Variants in LEPR observed in about 807,000 individuals in gnomAD.
LEPR encodes the protein OB receptor.
LEPR carries 56 observed loss-of-function variants against 114.7 expected under a neutral mutation model. The observed-to-expected ratio is 0.49, with a 90% CI of 0.39 to 0.61. LEPR has a LOEUF of 0.61. Among genes scored for constraint, LEPR ranks in the 20% least tolerant of loss-of-function variants. The probability of loss-of-function intolerance (pLI) is 0.00; values close to 1 mark genes in which losing one functional copy is unlikely to be tolerated. For missense variants in LEPR, 1,202 were observed against 1,352.9 expected, an observed-to-expected ratio of 0.89 and a Z score of 1.75; for synonymous variants, 443 against 461.4, an observed-to-expected ratio of 0.96 and a Z score of 0.51.
chr1:65,510,276 A>G (rs1358620439), intron 2 of LEPR, among the ~76,000 whole-genome samples: 2 of 152,132 alleles, frequency 1.3e-5, no homozygotes, highest in Non-Finnish European at 2.9e-5. Flanking sequence ...CTAAGCTATT[A>G]TTTTGGGTGG....
At chr1:65,450,500 C>G (rs1646769706) in intron 2 of LEPR, among the ~76,000 whole-genome samples, 1 of 142,636 alleles carries the variant, frequency 7.0e-6, no homozygotes, top group African/African-American at 2.7e-5. Flanking sequence ...TTGTTCAATT[C>G]CCACCTATGA....
chr1:65,608,912 C>T lies in LEPR; in HGVS notation c.1752+11C>T. 1.2e-6 allele frequency: 2 copies of T among 1,613,366 alleles called. No homozygotes were observed. The highest frequency in any genetic ancestry group is 1.7e-6 in the Non-Finnish European group (2 of 1,179,676). On this transcript the variant is annotated intron_variant, in intron 12 of 19. Transcript: ENST00000349533. ...GAAGTACAATGGAAGGTACCTTTTA[C>T]TTAGAACTTCAGCTTTCCTCATTAA...
At position 65,633,367 on chromosome 1, in the gene LEPR, ATT is replaced by A; in HGVS notation, c.2674-2822_2674-2821del. The stretch of plus-strand genomic sequence containing the variant: ...GTGTAAATTTGGGTTCAAAATGTAG[ATT>A]TGAGTCCAGTTTGGATGTGTGATTA... On this transcript the variant is annotated intron_variant, in intron 19 of 19. Coordinates refer to ENST00000349533, the MANE Select transcript of LEPR (RefSeq NM_002303.6). The surrounding 1 kb of genome is among the most constrained non-coding windows in gnomAD (Gnocchi z 4.1). 7.5e-7 allele frequency: 1 copy of A among 1,333,514 alleles called. No homozygotes were observed. The highest frequency in any genetic ancestry group is 9.6e-7 in the Non-Finnish European group (1 of 1,043,144). The allele number at this position is 1,333,514 out of a possible 1,614,324, so 82.6% of individuals were successfully genotyped here.
intron 19 of LEPR, chr1:65,634,938 G>C (rs1658663380): frequency 1.2e-6 from 1 of 812,910 alleles, no homozygotes; most frequent in Non-Finnish European, 1.5e-6. Context: ...TGAATAATAG[G>C]AAAGTTGTAT....
intron 8 of LEPR, among the ~76,000 whole-genome samples, chr1:65,600,200 TAA>T (rs1173678070): frequency 6.6e-6 from 1 of 152,088 alleles, no homozygotes; most frequent in East Asian, 1.9e-4. Flanking sequence ...GAAGGTAGGT[TAA>T]GATAGGTTAA....
At chr1:65,438,263 A>G (rs1196842144) in intron 2 of LEPR, among the ~76,000 whole-genome samples, 3 of 151,968 alleles carry the variant, frequency 2.0e-5, no homozygotes, top group Non-Finnish European at 4.4e-5. Flanking sequence ...ACGATAAAGA[A>G]GAGACCAGCC....
intron 2 of LEPR, among the ~76,000 whole-genome samples, chr1:65,553,766 C>G (rs1652603108): frequency 6.6e-6 from 1 of 152,122 alleles, no homozygotes; most frequent in South Asian, 2.1e-4. Context: ...AGTTGTGATC[C>G]TTTAAATGAG....
chr1:65,539,832 T>C lies in LEPR; in HGVS notation c.-20-25714T>C, dbSNP rs117750642. Among the ~76,000 whole-genome samples, 55 of 152,250 alleles carry C rather than the reference T, an allele frequency of 3.6e-4. 1 individual carries two copies. The East Asian group carries it at 0.01, about 28-fold the overall frequency. On this transcript the variant is annotated intron_variant, in intron 2 of 19. Transcript: ENST00000349533. ...CCCCGGAGCTCAGAGGTAGTAGGCA[T>C]TGAGGTTTCAGTCATAACATGCAGT...
At chr1:65,503,597 T>C (rs561935395) in intron 2 of LEPR, among the ~76,000 whole-genome samples, 2 of 152,204 alleles carry the variant, frequency 1.3e-5, no homozygotes, top group South Asian at 4.1e-4. Context: ...AAATGGAATG[T>C]GGATAGCAGG....
At chr1:65,578,235 CT>C in intron 5 of LEPR, 1 of 184,598 alleles carries the variant, frequency 5.4e-6, no homozygotes, top group Middle Eastern at 1.3e-3. Context: ...GGTTCCAAGT[CT>C]TTGCTATTAT....
At chr1:65,530,865 G>C (rs1459364182) in intron 2 of LEPR, among the ~76,000 whole-genome samples, 1 of 152,094 alleles carries the variant, frequency 6.6e-6, no homozygotes, top group East Asian at 1.9e-4. Context: ...AGACGCCTCT[G>C]ACAGCTCCCA....
At chr1:65,631,668 C>A (rs1658528531) in intron 19 of LEPR, among the ~76,000 whole-genome samples, 1 of 152,058 alleles carries the variant, frequency 6.6e-6, no homozygotes, top group African/African-American at 2.4e-5. Flanking sequence ...TCTGTTTATA[C>A]CTTAAAAATC....
chr1:65,622,760 A>G lies in LEPR; in HGVS notation c.2598-146A>G, dbSNP rs190357334. On this transcript the variant is annotated intron_variant, in intron 18 of 19. Coordinates refer to ENST00000349533, the MANE Select transcript of LEPR (RefSeq NM_002303.6). ...AGATAAAAGTTTGGTAGAAATCTTC[A>G]TGGGCTAGCATGTGAAAATGCATCT... The G allele has an allele frequency of 7.9e-6, 6 of 755,402 alleles. No individual in the cohort carries two copies. The African/African-American group carries it at 1.1e-4, about 13-fold the overall frequency. 46.8% of individuals were successfully genotyped at this position (755,402 alleles called of 1,614,324 possible).
chr1:65,425,910 A>G (rs1219963314), intron 2 of LEPR, among the ~76,000 whole-genome samples: 1 of 152,126 alleles, frequency 6.6e-6, no homozygotes, highest in Non-Finnish European at 1.5e-5. Context: ...TCATTCAACC[A>G]TTGTTGGTTG....
chr1:65,440,950 T>G (rs913052618), intron 2 of LEPR, among the ~76,000 whole-genome samples: 1 of 152,184 alleles, frequency 6.6e-6, no homozygotes, highest in African/African-American at 2.4e-5. Context: ...AAAACATAAA[T>G]AAATGCATTT....
At chr1:65,597,134 G>C (rs1656118856) in intron 7 of LEPR, among the ~76,000 whole-genome samples, 1 of 152,016 alleles carries the variant, frequency 6.6e-6, no homozygotes, top group African/African-American at 2.4e-5. Context: ...TGTTAGGTCA[G>C]TTTAGCCAGA....
chr1:65,472,293 G>A (rs1647094075), intron 2 of LEPR, among the ~76,000 whole-genome samples: 1 of 151,906 alleles, frequency 6.6e-6, no homozygotes, highest in South Asian at 2.1e-4. Flanking sequence ...TTCATAAACA[G>A]GGCTGTCATT....
intron 2 of LEPR, among the ~76,000 whole-genome samples, chr1:65,456,065 C>G (rs199672844): frequency 6.6e-6 from 1 of 152,166 alleles, no homozygotes; most frequent in Admixed American, 6.5e-5. Context: ...TCTGTCACCC[C>G]TTTCTTTGAC....
intron 2 of LEPR, among the ~76,000 whole-genome samples, chr1:65,536,148 A>G (rs1650758887): frequency 2.0e-5 from 3 of 152,170 alleles, no homozygotes; most frequent in Non-Finnish European, 2.9e-5. Flanking sequence ...CATGGAGCAG[A>G]TCCCCAAAGA....
Sources: gnomAD v4.1 joint callset for allele counts (sites outside exome capture counted in the v4.1 genomes callset) on GRCh38, gnomAD v4.1.1 for gene constraint, Gnocchi (gnomAD v3.1) non-coding constraint, MANE v1.5 for transcripts, NCBI Gene and HGNC (gene_info 2026-07-23, HGNC 2026-07-21) for gene names.